Variants in CNTNAP5 observed in about 807,000 individuals in gnomAD.
The protein encoded by CNTNAP5 is contactin associated protein family member 5.
A neutral mutation model predicts 150.2 loss-of-function variants in CNTNAP5; 72 were observed. That is an observed-to-expected ratio of 0.48 (90% CI 0.40 to 0.58). The LOEUF (loss-of-function observed/expected upper bound fraction) is 0.58, where lower values mean the gene tolerates loss of function less well. CNTNAP5 is among the 20% of genes least tolerant of loss of function. CNTNAP5 has a pLI of 0.00. For missense variants in CNTNAP5, 1,636 were observed against 1,626.2 expected (o/e 1.01, Z -0.10); for synonymous variants, 672 against 619.8 (o/e 1.08, Z -1.25).
chr2:124,683,960 C>A (rs1278382664), intron 13 of CNTNAP5, among the ~76,000 whole-genome samples: 1 of 152,148 alleles, frequency 6.6e-6, no homozygotes, highest in African/African-American at 2.4e-5. Flanking sequence ...CATTTTCTTT[C>A]TCCGCACAAG....
intron 1 of CNTNAP5, among the ~76,000 whole-genome samples, chr2:124,164,414 G>C (rs939155752): frequency 6.6e-6 from 1 of 152,184 alleles, no homozygotes; most frequent in Middle Eastern, 3.2e-3. Flanking sequence ...ATTTCAGATA[G>C]CTGTAAGTGA....
At chr2:124,603,554 A>AT (rs1697032811) in intron 11 of CNTNAP5, among the ~76,000 whole-genome samples, 1 of 152,200 alleles carries the variant, frequency 6.6e-6, no homozygotes, top group Non-Finnish European at 1.5e-5. Context: ...TGATTTTCAA[A>AT]TTCTATTATT....
At chr2:124,517,393 GTGT>G (rs1412351581) in intron 8 of CNTNAP5, among the ~76,000 whole-genome samples, 4 of 151,564 alleles carry the variant, frequency 2.6e-5, no homozygotes, top group Admixed American at 6.6e-5. Context: ...AAGAGGGGTT[GTGT>G]TGTTGGTGAC....
intron 1 of CNTNAP5, among the ~76,000 whole-genome samples, chr2:124,148,122 A>G (rs1477950963): frequency 6.6e-6 from 1 of 152,102 alleles, no homozygotes; most frequent in Non-Finnish European, 1.5e-5. Flanking sequence ...CTACTTTATT[A>G]TATTTTTATT....
intron 3 of CNTNAP5, among the ~76,000 whole-genome samples, chr2:124,254,715 G>A (rs1464695740): frequency 6.6e-6 from 1 of 152,174 alleles, no homozygotes; most frequent in Non-Finnish European, 1.5e-5. Flanking sequence ...GGAGTAACTT[G>A]ATGGAGGCCC....
chr2:124,642,869 G>A lies in CNTNAP5; in HGVS notation c.1877-4889G>A, dbSNP rs561403982. On this transcript the variant is annotated intron_variant, in intron 12 of 23. Coordinates refer to ENST00000682447, the MANE Select transcript of CNTNAP5 (RefSeq NM_001367498.1). ...CATAGCTTTATGAAGAAATGAACTT[G>A]AAAGCTCAAAATCACAATGCAACTT... is the stretch of plus-strand genomic sequence containing the variant. Among the ~76,000 whole-genome samples, 19 of 152,280 alleles carry A rather than the reference G, an allele frequency of 1.2e-4. No homozygotes were observed. The East Asian group carries it at 3.7e-3, about 29-fold the overall frequency.
intron 2 of CNTNAP5, among the ~76,000 whole-genome samples, chr2:124,233,056 A>C (rs1686663671): frequency 7.0e-6 from 1 of 142,120 alleles, no homozygotes; most frequent in Non-Finnish European, 1.5e-5. Context: ...TTTTTTTTTC[A>C]TTACAAAAGG....
intron 11 of CNTNAP5, among the ~76,000 whole-genome samples, chr2:124,608,083 C>G (rs1677295065): frequency 6.6e-6 from 1 of 152,090 alleles, no homozygotes; most frequent in Admixed American, 6.5e-5. Flanking sequence ...TTTGAGCCAC[C>G]CCTCACATTT....
intron 3 of CNTNAP5, among the ~76,000 whole-genome samples, chr2:124,370,469 T>A (rs1250304875): frequency 6.6e-6 from 1 of 152,120 alleles, no homozygotes; most frequent in Non-Finnish European, 1.5e-5. Context: ...CAGAGTCACA[T>A]GGAAGACAAA....
intron 3 of CNTNAP5, among the ~76,000 whole-genome samples, chr2:124,253,435 C>T (rs1374634243): frequency 6.6e-6 from 1 of 152,090 alleles, no homozygotes; most frequent in Non-Finnish European, 1.5e-5. Context: ...TTTTTACCTT[C>T]CTATAGTAAA....
chr2:124,132,573 T>C (rs1054039837), intron 1 of CNTNAP5, among the ~76,000 whole-genome samples: 1 of 152,178 alleles, frequency 6.6e-6, no homozygotes, highest in East Asian at 1.9e-4. Flanking sequence ...CAAGTGGTCA[T>C]TATTGTTCCT....
rs547964486 is a variant in CNTNAP5 at position 124,163,167 on chromosome 2, T to C, written c.83-58538T>C. 2.0e-5 allele frequency among the ~76,000 whole-genome samples: 3 copies of C among 152,234 alleles called. No homozygotes were observed. In the South Asian group the frequency reaches 6.2e-4, roughly 32 times the overall value. On this transcript the variant is annotated intron_variant, in intron 1 of 23. Coordinates refer to ENST00000682447, the MANE Select transcript of CNTNAP5 (RefSeq NM_001367498.1). ...CCTTTCATTTCGCAATGGTGGAAAC[T>C]GAAGCCTAGAAATGAGATCATGAGG...
intron 19 of CNTNAP5, among the ~76,000 whole-genome samples, chr2:124,822,218 G>A (rs1380966755): frequency 1.3e-5 from 2 of 152,080 alleles, no homozygotes; most frequent in African/African-American, 4.8e-5. Flanking sequence ...CTTACTCCAG[G>A]TGTAGCTTAT....
chr2:124,336,933 C>A (rs1362267547), intron 3 of CNTNAP5, among the ~76,000 whole-genome samples: 1 of 152,060 alleles, frequency 6.6e-6, no homozygotes, highest in Admixed American at 6.5e-5. Context: ...AGTTCTAGTT[C>A]CCTGAGGAAT....
At chr2:124,037,489 A>G (rs551572482) in intron 1 of CNTNAP5, among the ~76,000 whole-genome samples, 1 of 152,350 alleles carries the variant, frequency 6.6e-6, no homozygotes, top group Non-Finnish European at 1.5e-5. Context: ...ACACAACAGA[A>G]TCTAGTCAAC....
chr2:124,227,186 C>CAATA (rs1258486020), intron 2 of CNTNAP5, among the ~76,000 whole-genome samples: 4 of 152,236 alleles, frequency 2.6e-5, no homozygotes, highest in Admixed American at 6.6e-5. Context: ...CTGCCTTGTT[C>CAATA]AATACACTGA....
intron 1 of CNTNAP5, among the ~76,000 whole-genome samples, chr2:124,136,871 G>C (rs1228378165): frequency 6.6e-6 from 1 of 152,152 alleles, no homozygotes; most frequent in African/African-American, 2.4e-5. Context: ...AAAGCAACAT[G>C]CTCCCCCTTC....
chr2:124,746,615 G>A (rs1680608450), intron 13 of CNTNAP5, among the ~76,000 whole-genome samples: 1 of 152,134 alleles, frequency 6.6e-6, no homozygotes, highest in South Asian at 2.1e-4. Context: ...AAATCAATGG[G>A]AGGCCATCAG....
chr2:124,419,153 A>AAAAAAAACAC (rs1553466547), intron 4 of CNTNAP5, among the ~76,000 whole-genome samples: 2 of 76,404 alleles, frequency 2.6e-5, no homozygotes, highest in African/African-American at 4.8e-5. Flanking sequence ...AAAAAAAAAA[A>AAAAAAAACAC]AAAAAAAAAA....
Sources: allele counts gnomAD v4.1 joint callset (sites outside exome capture counted in the v4.1 genomes callset), GRCh38; gene constraint gnomAD v4.1.1; transcripts MANE v1.5; gene names NCBI Gene and HGNC (gene_info 2026-07-23, HGNC 2026-07-21).